The following NRXN1 variants were observed in gnomAD, a reference collection of about 807,000 sequenced individuals.
NRXN1 encodes the protein neurexin 1, also known as neurexin-1.
A neutral mutation model predicts 150.9 loss-of-function variants in NRXN1; 39 were observed. That is an observed-to-expected ratio of 0.26 (90% CI 0.20 to 0.34). NRXN1 has a LOEUF of 0.34. Among genes scored for constraint, NRXN1 ranks in the 10% least tolerant of loss-of-function variants. NRXN1 has a pLI of 1.00. For synonymous variants in NRXN1, 924 were observed against 757.0 expected, an observed-to-expected ratio of 1.22 and a Z score of -3.62; for missense variants, 1,815 against 1,949.9, an observed-to-expected ratio of 0.93 and a Z score of 1.30.
At chr2:50,835,916 CA>C (rs1437199086) in intron 5 of NRXN1, among the ~76,000 whole-genome samples, 2 of 152,074 alleles carry the variant, frequency 1.3e-5, no homozygotes, top group African/African-American at 4.8e-5. Flanking sequence ...AAAATAATAA[CA>C]ACCTATCAAA....
rs1040113605 is a variant in NRXN1, at chr2:50,308,516, T to G, written c.3365-71546A>C. Among the ~76,000 whole-genome samples the G allele has an allele frequency of 2.0e-5, 3 of 151,988 alleles. No homozygotes were observed. The South Asian group carries it at 6.2e-4, about 32-fold the overall frequency. On this transcript the variant is annotated intron_variant, in intron 17 of 22. Coordinates refer to ENST00000401669, the MANE Select transcript of NRXN1 (RefSeq NM_001330078.2). ...GTAAGTTTTTATTTTTTTTTAATTT[T>G]TTATTTTTTTCCAGTTTTTTGAGAT... is the stretch of plus-strand genomic sequence containing the variant.
chr2:49,990,483 T>C (rs913282179), intron 21 of NRXN1, among the ~76,000 whole-genome samples: 2 of 152,192 alleles, frequency 1.3e-5, no homozygotes, highest in Non-Finnish European at 2.9e-5. Flanking sequence ...TATTTATATA[T>C]TTAAAAGATC....
intron 5 of NRXN1, among the ~76,000 whole-genome samples, chr2:50,793,812 G>T (rs1430986282): frequency 1.3e-5 from 2 of 152,046 alleles, no homozygotes; most frequent in Non-Finnish European, 2.9e-5. Flanking sequence ...AGGACCCTCA[G>T]CATGAGCAGC....
intron 18 of NRXN1, among the ~76,000 whole-genome samples, chr2:50,208,520 T>G (rs1289580013): frequency 6.6e-6 from 1 of 152,224 alleles, no homozygotes; most frequent in Non-Finnish European, 1.5e-5. Context: ...TCTTCCAGCA[T>G]ATGACATTCA....
At chr2:50,852,182 T>C (rs1259148870) in intron 5 of NRXN1, among the ~76,000 whole-genome samples, 2 of 152,158 alleles carry the variant, frequency 1.3e-5, no homozygotes, top group Admixed American at 6.5e-5. Flanking sequence ...CCAAAGGATT[T>C]GACCAGGCAA....
intron 18 of NRXN1, among the ~76,000 whole-genome samples, chr2:50,121,207 G>C (rs1455102371): frequency 6.6e-6 from 1 of 152,026 alleles, no homozygotes; most frequent in Non-Finnish European, 1.5e-5. Context: ...ATTTTTAGTG[G>C]AGACCGGGTT....
chr2:50,709,207 A>C (rs1237460940), intron 5 of NRXN1, among the ~76,000 whole-genome samples: 1 of 152,114 alleles, frequency 6.6e-6, no homozygotes, highest in Non-Finnish European at 1.5e-5. Context: ...TGATATTTGC[A>C]CACATTTATT....
chr2:50,663,020 CA>C (rs1312141974), intron 5 of NRXN1, among the ~76,000 whole-genome samples: 8 of 152,006 alleles, frequency 5.3e-5, no homozygotes. Context: ...CATTAGGATG[CA>C]TGGAGCACTA....
chr2:50,258,014 T>C (rs2067880093), intron 17 of NRXN1, among the ~76,000 whole-genome samples: 1 of 152,038 alleles, frequency 6.6e-6, no homozygotes, highest in Non-Finnish European at 1.5e-5. Context: ...AAAAATACTT[T>C]ATTGCTAAAT....
rs564134271 is a variant in NRXN1 at position 50,784,742 on chromosome 2, A to C, written c.832+137127T>G. Among the ~76,000 whole-genome samples the C allele has an allele frequency of 1.3e-3, 194 of 152,200 alleles. 2 individuals carry two copies. Among genetic ancestry groups the C allele is most frequent in the Middle Eastern group, 3.4e-3 (1 of 294 alleles). On this transcript the variant is annotated intron_variant, in intron 5 of 22. Coordinates refer to ENST00000401669, the MANE Select transcript of NRXN1 (RefSeq NM_001330078.2). ...ATGGGGTTAAGATCCTAGGCAGGGA[A>C]CAAATTAGGGAGCTAATGAAAGAGA...
At chr2:50,531,749 A>C (rs2093121119) in intron 10 of NRXN1, among the ~76,000 whole-genome samples, 1 of 152,108 alleles carries the variant, frequency 6.6e-6, no homozygotes, top group African/African-American at 2.4e-5. Context: ...CCCCCTTCTC[A>C]AGAGCAAAGA....
chr2:50,865,657 A>ATTTTTTTTTTTTTT (rs1559368492), intron 5 of NRXN1, among the ~76,000 whole-genome samples: 1 of 39,846 alleles, frequency 2.5e-5, no homozygotes, highest in Admixed American at 2.4e-4. Flanking sequence ...AGCATTTGAA[A>ATTTTTTTTTTTTTT]GTTTTTTTTT....
At chr2:51,030,433 G>A (rs944226035) in intron 1 of NRXN1, among the ~76,000 whole-genome samples, 1 of 151,736 alleles carries the variant, frequency 6.6e-6, no homozygotes, top group African/African-American at 2.4e-5. Flanking sequence ...TTTCTCTTCA[G>A]TACAGAGCAA....
chr2:50,482,576 T>C (rs2090550942), intron 15 of NRXN1, among the ~76,000 whole-genome samples: 1 of 152,190 alleles, frequency 6.6e-6, no homozygotes, highest in African/African-American at 2.4e-5. Context: ...TCACATATAC[T>C]GCTGTACCTT....
chr2:50,604,597 ACT>A (rs1282600921), intron 8 of NRXN1, among the ~76,000 whole-genome samples: 2 of 151,658 alleles, frequency 1.3e-5, no homozygotes, highest in African/African-American at 4.8e-5. Context: ...TCCTGTCTCG[ACT>A]CTTATCTCTA....
chr2:50,072,700 T>G (rs1382589957), intron 19 of NRXN1, among the ~76,000 whole-genome samples: 2 of 152,276 alleles, frequency 1.3e-5, no homozygotes, highest in Admixed American at 1.3e-4. Context: ...GCTTTTTCTT[T>G]GGTGCTTATC....
intron 17 of NRXN1, among the ~76,000 whole-genome samples, chr2:50,281,148 CA>C (rs70946898): frequency 0.06 from 6,428 of 107,096 alleles, 489 homozygotes; most frequent in African/African-American, 0.2. Context: ...ACTAAAAATA[CA>C]AAAAAAAAAA....
chr2:50,656,455 C>T, intron 5 of NRXN1: 1 of 752,674 alleles, frequency 1.3e-6, no homozygotes, highest in South Asian at 1.4e-5. Flanking sequence ...TTTCTAGATT[C>T]TTTTCAGTTT....
chr2:50,521,014 G>A (rs1046664279), intron 12 of NRXN1, among the ~76,000 whole-genome samples: 11 of 151,712 alleles, frequency 7.3e-5, no homozygotes, highest in East Asian at 1.9e-4. Flanking sequence ...CTTCCTTTGC[G>A]CCTACTGAAA....
Sources: gnomAD v4.1 joint callset for allele counts (sites outside exome capture counted in the v4.1 genomes callset) on GRCh38, gnomAD v4.1.1 for gene constraint, MANE v1.5 for transcripts, NCBI Gene and HGNC (gene_info 2026-07-23, HGNC 2026-07-21) for gene names.